Variants in FBXW11 observed in about 807,000 individuals in gnomAD.
FBXW11 encodes F-box/WD repeat-containing protein 11.
In FBXW11, 19 loss-of-function variants were observed where a neutral mutation model predicts 77.6. That is an observed-to-expected ratio of 0.24 (90% CI 0.17 to 0.36). The LOEUF is 0.36. FBXW11 is among the 10% of genes least tolerant of loss of function. FBXW11 has a pLI of 1.00. For synonymous variants in FBXW11, 235 were observed against 249.4 expected, an observed-to-expected ratio of 0.94 and a Z score of 0.54; for missense variants, 334 against 704.2, an observed-to-expected ratio of 0.47 and a Z score of 5.95.
intron 2 of FBXW11, among the ~76,000 whole-genome samples, chr5:171,920,515 G>A (rs993228851): frequency 4.6e-4 from 69 of 151,288 alleles, no homozygotes; most frequent in African/African-American, 1.6e-3. Flanking sequence ...TGCCTGAGGC[G>A]AGGAGTTTGA....
chr5:171,954,618 A>G (rs1047746832), intron 2 of FBXW11, among the ~76,000 whole-genome samples: 2 of 152,202 alleles, frequency 1.3e-5, no homozygotes, highest in African/African-American at 4.8e-5. Flanking sequence ...AGCTTGGTTG[A>G]GAGATAACCA....
In FBXW11 at chr5:171,992,258, T is replaced by A. The variant is rs977785372; in HGVS notation, c.45+14200A>T. Among the ~76,000 whole-genome samples the A allele has an allele frequency of 1.4e-3, 216 of 150,978 alleles. 2 individuals carry two copies. The highest frequency in any genetic ancestry group is 5.3e-3 in the African/African-American group (216 of 41,082). On this transcript the variant is annotated intron_variant, in intron 1 of 13. Transcript: ENST00000517395. ...GCCTGGCCAACATAGTGAAACCCCG[T>A]CTCTACTAAAAATAAAAAAATTAGC...
intron 2 of FBXW11, among the ~76,000 whole-genome samples, chr5:171,921,420 C>G (rs1221697191): frequency 6.6e-6 from 1 of 152,192 alleles, no homozygotes; most frequent in East Asian, 1.9e-4. Context: ...ATGAGAGACA[C>G]AGGATTCAGA....
chr5:171,995,082 A>AT (rs1765958867), intron 1 of FBXW11, among the ~76,000 whole-genome samples: 1 of 152,196 alleles, frequency 6.6e-6, no homozygotes, highest in African/African-American at 2.4e-5. Context: ...TAAAAAGAAA[A>AT]TTTTTTTAAG....
intron 1 of FBXW11, among the ~76,000 whole-genome samples, chr5:171,959,153 G>A (rs1255139459): frequency 6.6e-6 from 1 of 151,372 alleles, no homozygotes; most frequent in East Asian, 1.9e-4. Flanking sequence ...GGAACCAAAT[G>A]GAATAAAAAA....
chr5:171,900,192 C>T, intron 4 of FBXW11, 92 bp from the exon 5 acceptor site: 1 of 1,109,474 alleles, frequency 9.0e-7, no homozygotes, highest in Non-Finnish European at 1.3e-6. Context: ...TAAAGAAATC[C>T]TGAACCAAGT....
At chr5:171,900,611 C>T (rs1201784924) in intron 4 of FBXW11, among the ~76,000 whole-genome samples, 2 of 152,124 alleles carry the variant, frequency 1.3e-5, no homozygotes, top group African/African-American at 4.8e-5. Flanking sequence ...CCTGGGAGAT[C>T]AGAAGACAAA....
chr5:171,931,832 T>C (rs1196771003), intron 2 of FBXW11, among the ~76,000 whole-genome samples: 56 of 35,798 alleles, frequency 1.6e-3, no homozygotes, highest in African/African-American at 4.2e-3. Flanking sequence ...TCTCTCTCTC[T>C]CTCCCTCCCT....
chr5:171,967,458 A>T (rs1166615191), intron 1 of FBXW11, among the ~76,000 whole-genome samples: 2 of 152,244 alleles, frequency 1.3e-5, no homozygotes, highest in East Asian at 3.8e-4. Flanking sequence ...GAAAGTTACA[A>T]TACACGGAAA....
chr5:171,929,822 A>G (rs562221188), intron 2 of FBXW11, among the ~76,000 whole-genome samples: 2 of 152,362 alleles, frequency 1.3e-5, no homozygotes, highest in South Asian at 4.1e-4. Context: ...ACTGCGCTCC[A>G]GCCTAGGCGA....
chr5:171,912,381 G>C (rs1441546492), intron 3 of FBXW11, among the ~76,000 whole-genome samples: 3 of 152,112 alleles, frequency 2.0e-5, no homozygotes, highest in Non-Finnish European at 4.4e-5. Flanking sequence ...TAAGACATTT[G>C]AGTCTTAACA....
intron 2 of FBXW11, among the ~76,000 whole-genome samples, chr5:171,925,411 A>AAAAC (rs753135131): frequency 2.3e-4 from 35 of 152,324 alleles, no homozygotes; most frequent in Non-Finnish European, 1.8e-4. Context: ...TTTTCTGTAA[A>AAAAC]AAACAAACAA....
At chr5:171,941,871 T>C (rs1354580098) in intron 2 of FBXW11, among the ~76,000 whole-genome samples, 1 of 151,360 alleles carries the variant, frequency 6.6e-6, no homozygotes, top group African/African-American at 2.4e-5. Flanking sequence ...CAGTCAGTGC[T>C]AGTTTGAGAA....
intron 13 of FBXW11, among the ~76,000 whole-genome samples, chr5:171,864,837 T>G (rs1360104212): frequency 1.3e-5 from 2 of 152,146 alleles, no homozygotes; most frequent in African/African-American, 4.8e-5. Context: ...ATTTATCATT[T>G]TTACATACAA....
At chr5:171,998,926 A>G (rs1036191428) in intron 1 of FBXW11, among the ~76,000 whole-genome samples, 5 of 152,154 alleles carry the variant, frequency 3.3e-5, no homozygotes, top group African/African-American at 1.2e-4. Flanking sequence ...AGTAATTTTT[A>G]AATTCTAAGA....
intron 8 of FBXW11, 102 bp downstream of exon 8, chr5:171,877,908 TA>T: frequency 1.2e-6 from 1 of 849,410 alleles, no homozygotes; most frequent in Non-Finnish European, 1.9e-6. Flanking sequence ...ATACAGCATG[TA>T]AAAATGTAAG....
intron 4 of FBXW11, 110 bp from the exon 5 acceptor site, chr5:171,900,210 T>A: frequency 1.1e-6 from 1 of 917,022 alleles, no homozygotes; most frequent in Non-Finnish European, 1.6e-6. Flanking sequence ...AGTAAAATAT[T>A]TTAGTCATAT....
chr5:172,000,492 T>C (rs1766348942), intron 1 of FBXW11, among the ~76,000 whole-genome samples: 1 of 152,238 alleles, frequency 6.6e-6, no homozygotes, highest in South Asian at 2.1e-4. Flanking sequence ...TTTCATTGTT[T>C]TTCCCAAAGA....
intron 1 of FBXW11, among the ~76,000 whole-genome samples, chr5:171,979,132 T>C (rs548962628): frequency 6.6e-6 from 1 of 152,226 alleles, no homozygotes; most frequent in East Asian, 1.9e-4. Context: ...ATTTTGTCTC[T>C]ACAAAAACCC....
Sources: allele counts gnomAD v4.1 joint callset (sites outside exome capture counted in the v4.1 genomes callset), GRCh38; gene constraint gnomAD v4.1.1; transcripts MANE v1.5; gene names NCBI Gene and HGNC (gene_info 2026-07-23, HGNC 2026-07-21).